Variants in WSB2 observed in about 807,000 individuals in gnomAD.
WSB2 encodes the protein WD repeat and SOCS box-containing protein 2.
WSB2 carries 12 observed loss-of-function variants against 48.8 expected under a neutral mutation model. That is an observed-to-expected ratio of 0.25 (90% confidence interval 0.16 to 0.40). WSB2 has a LOEUF of 0.40. WSB2 is among the 10% of genes least tolerant of loss of function. The probability of loss-of-function intolerance (pLI) is 1.00; values close to 1 mark genes in which losing one functional copy is unlikely to be tolerated. For missense variants in WSB2, 317 were observed against 506.2 expected, an observed-to-expected ratio of 0.63 and a Z score of 3.59; for synonymous variants, 191 against 203.1, an observed-to-expected ratio of 0.94 and a Z score of 0.51.
chr12:118,038,184 T>G, intron 5 of WSB2, 104 bp downstream of exon 5: 3 of 1,077,128 alleles, frequency 2.8e-6, no homozygotes, highest in African/African-American at 1.6e-5. Flanking sequence ...ATGCCTTCTA[T>G]TGGGGTGGAT....
Position 118,032,824 on chromosome 12 carries a change from T to G in WSB2, c.*1372A>C, listed in dbSNP as rs1384016444. The G allele has an allele frequency of 1.3e-5, 2 of 152,252 alleles. No homozygotes were observed. The highest frequency in any genetic ancestry group is 4.8e-5 in the African/African-American group (2 of 41,466). The allele number at this position is 152,252 out of a possible 1,614,324, so 9.4% of individuals were successfully genotyped here. On this transcript the variant is annotated 3_prime_UTR_variant, in exon 9 of 9. Transcript: ENST00000315436. ...TCCCAAAGTGCTGGGATTACAGGCA[T>G]GTGCCGTCACACCCAGCCCTGCTTG...
chr12:118,034,583 G>GTCTCTCTCTC, intron 8 of WSB2: 1 of 537,440 alleles, frequency 1.9e-6, no homozygotes, highest in African/African-American at 1.9e-5. Flanking sequence ...CGCTCTCTCT[G>GTCTCTCTCTC]TCTCTCTCTC....
chr12:118,060,884 G>A lies in WSB2; in HGVS notation c.13+152C>T, dbSNP rs2032049326. On this transcript the variant is annotated intron_variant, in intron 1 of 8. Coordinates refer to ENST00000315436, the MANE Select transcript of WSB2 (RefSeq NM_018639.5). This position sits in a 1 kb window ranked among gnomAD's most constrained non-coding sequence, Gnocchi z 4.1. ...TGGTCGCCGGGCGCGCACCCCCGCC[G>A]GCCCCGCGCGGACCTCCCAGGCCGG... Among the ~76,000 whole-genome samples the A allele has an allele frequency of 6.7e-6, 1 of 150,068 alleles. No individual in the cohort carries two copies. The highest frequency in any genetic ancestry group is 1.5e-5 in the Non-Finnish European group (1 of 67,140).
intron 3 of WSB2, 45 bp from the exon 4 acceptor site, chr12:118,043,017 G>A (rs370376135): frequency 1.4e-5 from 23 of 1,613,730 alleles, no homozygotes; most frequent in African/African-American, 5.3e-5. Context: ...GAGGGGGCAC[G>A]AGGTGTGCCT....
Position 118,060,628 on chromosome 12 carries a change from G to C in WSB2, c.13+408C>G, listed in dbSNP as rs527265053. ...GATCACACAGCTTGTGAGGGACAGA[G>C]GTGACTCCCATCCAGACATGCAAGT... On this transcript the variant is annotated intron_variant, in intron 1 of 8. Coordinates refer to ENST00000315436, the MANE Select transcript of WSB2 (RefSeq NM_018639.5). This position sits in a 1 kb window ranked among gnomAD's most constrained non-coding sequence, Gnocchi z 4.1. 2.0e-5 allele frequency among the ~76,000 whole-genome samples: 3 copies of C among 152,190 alleles called. No homozygotes were observed. Among genetic ancestry groups the C allele is most frequent in the Non-Finnish European group, 4.4e-5 (3 of 68,000 alleles).
chr12:118,037,612 A>G (rs1183908727), intron 5 of WSB2, among the ~76,000 whole-genome samples: 9 of 151,456 alleles, frequency 5.9e-5, no homozygotes, highest in Admixed American at 3.9e-4. Context: ...AGGTTGCAGT[A>G]AGCCGAGATT....
rs1192492282 is a variant in WSB2, at chr12:118,043,180, G to C, written c.380C>G (p.Ala127Gly). Residue 127 changes from alanine (A) to glycine (G), a missense_variant, in exon 3 of 9, where the codon GCT becomes GGT. Transcript: ENST00000315436. ...GATCTGCCCATCGTTGAGTCCCGTA[G>C]CAAGAACCAGGCAAGAGACATCGGG... ...QVPDVSCLVL[A>G]TGLNDGQIKI... 11 of 1,614,226 alleles carry C rather than the reference G, an allele frequency of 6.8e-6. No homozygotes were observed. The highest frequency in any genetic ancestry group is 1.7e-5 in the Admixed American group (1 of 60,024).
intron 2 of WSB2, among the ~76,000 whole-genome samples, chr12:118,049,274 T>A (rs915472365): frequency 6.6e-6 from 1 of 152,192 alleles, no homozygotes; most frequent in African/African-American, 2.4e-5. Context: ...TGCAAAAATA[T>A]CATATGGAAA....
At chr12:118,041,688 C>G (rs554738576) in intron 4 of WSB2, among the ~76,000 whole-genome samples, 15 of 152,074 alleles carry the variant, frequency 9.9e-5, no homozygotes, top group African/African-American at 3.6e-4. Flanking sequence ...CCCCTGAGCC[C>G]CATCCAGGGC....
At chr12:118,061,644 G>A (rs2032069983), upstream of WSB2, among the ~76,000 whole-genome samples, 1 of 150,534 alleles carries the variant, frequency 6.6e-6, no homozygotes, top group African/African-American at 2.5e-5. Flanking sequence ...GCGGCGATCC[G>A]GGGAGAACGG....
Position 118,034,255 on chromosome 12 carries a change from C to T in WSB2, c.1156G>A (p.Val386Ile), listed in dbSNP as rs1338982150. 1 of 1,614,190 alleles carries T rather than the reference C, an allele frequency of 6.2e-7. No individual in the cohort carries two copies. Among genetic ancestry groups the T allele is most frequent in the Non-Finnish European group, 8.5e-7 (1 of 1,180,036 alleles). ...ALRSFLTTYQ[V>I]LALPIPKKMK... The stretch of plus-strand genomic sequence containing the variant: ...TTCTTGGGGATTGGCAGTGCTAGGA[C>T]TTGGTAAGTTGTTAGGAAACTTCGA... Residue 386 changes from valine (V) to isoleucine (I), a missense_variant, in exon 9 of 9, where the codon GTC becomes ATC. Transcript: ENST00000315436.
rs76491900 is a variant in WSB2 at position 118,042,724 on chromosome 12, G to A, written c.559+117C>T. ...AACTGTCTAAAAGGCTCCTTAAGGG[G>A]CAATCACAGAAAAAAACATCAAGAA... On this transcript the variant is annotated intron_variant, in intron 4 of 8. Coordinates refer to ENST00000315436, the MANE Select transcript of WSB2 (RefSeq NM_018639.5). The A allele has an allele frequency of 3.7e-3, 5,502 of 1,495,752 alleles. 22 individuals are homozygous for A. The highest frequency in any genetic ancestry group is 4.2e-3 in the Non-Finnish European group (4,681 of 1,119,458). The allele number at this position is 1,495,752 out of a possible 1,614,324, so 92.7% of individuals were successfully genotyped here. A position where few individuals can be genotyped will look rare whatever the true frequency, so the allele number is the denominator to read the frequency against.
At chr12:118,062,060 G>A, upstream of WSB2, 2 of 1,529,960 alleles carry the variant, frequency 1.3e-6, no homozygotes, top group East Asian at 2.5e-5. Flanking sequence ...TAAAAAACGG[G>A]GCAGGAGCGA....
rs559591879 is a variant in WSB2, at chr12:118,036,376, C to T, written c.795G>A (p.Met265Ile). Residue 265 changes from methionine to isoleucine, a missense_variant, in exon 6 of 9, where the codon ATG becomes ATA. This residue lies in a region of WSB2 where 189 missense variants were observed against 349.6 expected (regional missense o/e 0.54). Transcript: ENST00000315436. ...VTASYDTNVI[M>I]WDPYTGERLR... ...GCCTTTCGCCGGTGTAGGGGTCCCACATAATCACATTGGTATCGTAAGAAG... is the reference window on the plus strand; with the variant it reads ...GCCTTTCGCCGGTGTAGGGGTCCCATATAATCACATTGGTATCGTAAGAAG... The T allele has an allele frequency of 3.1e-5, 50 of 1,614,176 alleles. No individual in the cohort carries two copies. In the South Asian group the frequency reaches 5.3e-4, roughly 17 times the overall value.
rs376167607 is a variant in WSB2 at position 118,038,250 on chromosome 12, T to G, written c.660+38A>C. 4 of 1,586,880 alleles carry G rather than the reference T, an allele frequency of 2.5e-6. No homozygotes were observed. In the African/African-American group the frequency reaches 5.4e-5, roughly 21 times the overall value. ...ACCAGGCCACCACTTCAGACCTCCA[T>G]GTCTCAGTGAATTAAAGCAATAACG... On this transcript the variant is annotated intron_variant, in intron 5 of 8. Transcript: ENST00000315436.
Position 118,049,654 on chromosome 12 carries a change from C to T in WSB2, c.182+2656G>A, listed in dbSNP as rs146762379. On this transcript the variant is annotated intron_variant, in intron 2 of 8. Transcript: ENST00000315436. ...CTGACCTCAAGTGATCTGCCTGCCTCGGCCTCCCAAAGTGCTGGGATTACA... is the reference window on the plus strand; with the variant it reads ...CTGACCTCAAGTGATCTGCCTGCCTTGGCCTCCCAAAGTGCTGGGATTACA... Among the ~76,000 whole-genome samples the T allele has an allele frequency of 2.3e-3, 347 of 152,244 alleles. 3 individuals carry two copies. The Middle Eastern group carries it at 0.041, about 18-fold the overall frequency.
Position 118,038,345 on chromosome 12 carries a change from G to A in WSB2, c.603C>T (p.Tyr201=), listed in dbSNP as rs1361392130. 2 of 1,614,176 alleles carry A rather than the reference G, an allele frequency of 1.2e-6. No individual in the cohort carries two copies. The highest frequency in any genetic ancestry group is 4.5e-5 in the East Asian group (2 of 44,868). ...TGCAGTCTGGGGAGATGGAACAGCA[G>A]TAAACCCACTGCAGGTGGCCCGATA... is the stretch of plus-strand genomic sequence containing the variant. The part of the protein sequence containing the change: ...QVLSGHLQWV[Y]CCSISPDCSM... The change falls in exon 5 of 9, where the codon TAC becomes TAT. Residue 201 remains tyrosine (Y), a synonymous_variant. Transcript: ENST00000315436.
At chr12:118,039,665 G>C (rs566573086) in intron 4 of WSB2, among the ~76,000 whole-genome samples, 5 of 152,230 alleles carry the variant, frequency 3.3e-5, no homozygotes, top group Non-Finnish European at 5.9e-5. Flanking sequence ...ATTGTTATAC[G>C]CCTGTACATG....
chr12:118,038,513 C>G, intron 4 of WSB2, 125 bp from the exon 5 acceptor site: 1 of 749,646 alleles, frequency 1.3e-6, no homozygotes, highest in South Asian at 1.9e-5. Flanking sequence ...CAGCTGGGCC[C>G]AAGGGTCCAA....
Sources: gnomAD v4.1 joint callset for allele counts (sites outside exome capture counted in the v4.1 genomes callset) on GRCh38, gnomAD v4.1.1 for gene constraint, gnomAD v4.1.1 regional missense constraint, Gnocchi (gnomAD v3.1) non-coding constraint, MANE v1.5 for transcripts, NCBI Gene and HGNC (gene_info 2026-07-23, HGNC 2026-07-21) for gene names.